The following CYP19A1 variants were observed in gnomAD, a reference collection of about 807,000 sequenced individuals.
CYP19A1 encodes the protein cytochrome P450 family 19 subfamily A member 1, also known as aromatase.
Under a neutral mutation model 44.4 loss-of-function variants are expected in CYP19A1, and 32 were observed. That is an observed-to-expected ratio of 0.72 (90% confidence interval 0.54 to 0.97). The LOEUF (loss-of-function observed/expected upper bound fraction) is 0.97. Among genes scored for constraint, CYP19A1 ranks in the 50% least tolerant of loss-of-function variants. The pLI, the probability that CYP19A1 is intolerant of heterozygous loss-of-function variation, is 0.00. For missense variants in CYP19A1, 598 were observed against 637.8 expected (o/e 0.94, Z 0.67); for synonymous variants, 212 against 215.6 (o/e 0.98, Z 0.14).
chr15:51,216,308 G>T (rs2031570915), intron 6 of CYP19A1, among the ~76,000 whole-genome samples: 1 of 152,110 alleles, frequency 6.6e-6, no homozygotes. Flanking sequence ...CTGGAGTGCA[G>T]TGGCATGATC....
chr15:51,212,188 C>T (rs183336303), intron 9 of CYP19A1, 132 bp downstream of exon 9: 10 of 779,268 alleles, frequency 1.3e-5, no homozygotes, highest in Non-Finnish European at 2.3e-5. Context: ...GACGTGTGTG[C>T]TCCTGGTGAG....
chr15:51,247,623 C>T (rs1308337678), intron 1 of CYP19A1, among the ~76,000 whole-genome samples: 1 of 152,106 alleles, frequency 6.6e-6, no homozygotes, highest in Non-Finnish European at 1.5e-5. Flanking sequence ...AGGTATGCAC[C>T]ACCATGCCCA....
chr15:51,234,426 A>T (rs984974837), intron 3 of CYP19A1, among the ~76,000 whole-genome samples: 16 of 152,164 alleles, frequency 1.1e-4, no homozygotes, highest in Non-Finnish European at 2.1e-4. Flanking sequence ...CAGTTTCCTA[A>T]TTAAGACTAG....
chr15:51,325,915 C>T (rs999232122), intron 1 of CYP19A1, among the ~76,000 whole-genome samples: 2 of 151,094 alleles, frequency 1.3e-5, no homozygotes, highest in Non-Finnish European at 2.9e-5. Context: ...GCCCAGCCTA[C>T]CTTAAATGTG....
At chr15:51,315,221 C>T (rs753163078) in intron 1 of CYP19A1, among the ~76,000 whole-genome samples, 2 of 152,192 alleles carry the variant, frequency 1.3e-5, no homozygotes, top group Non-Finnish European at 2.9e-5. Context: ...CCACCGTCAC[C>T]CAGGCCTGCT....
intron 1 of CYP19A1, among the ~76,000 whole-genome samples, chr15:51,276,779 A>G (rs1313079451): frequency 6.6e-6 from 1 of 152,368 alleles, no homozygotes; most frequent in East Asian, 1.9e-4. Flanking sequence ...GGTAGCAGTA[A>G]CAGAAATACA....
chr15:51,228,549 C>A (rs1172758827), intron 3 of CYP19A1, among the ~76,000 whole-genome samples: 1 of 152,198 alleles, frequency 6.6e-6, no homozygotes, highest in East Asian at 1.9e-4. Context: ...CAGCGCCTGG[C>A]TGGACTGGCA....
At chr15:51,253,351 G>A (rs778440178) in intron 1 of CYP19A1, among the ~76,000 whole-genome samples, 4 of 152,196 alleles carry the variant, frequency 2.6e-5, no homozygotes, top group Non-Finnish European at 4.4e-5. Flanking sequence ...CTGGAGTTGT[G>A]CCCTCAGGGG....
chr15:51,335,741 C>T (rs2036764858), intron 1 of CYP19A1, among the ~76,000 whole-genome samples: 1 of 152,148 alleles, frequency 6.6e-6, no homozygotes, highest in African/African-American at 2.4e-5. Context: ...ATCTGTCATC[C>T]ATCTACCGAC....
intron 1 of CYP19A1, among the ~76,000 whole-genome samples, chr15:51,265,089 T>C (rs990656551): frequency 2.0e-5 from 3 of 152,232 alleles, no homozygotes; most frequent in African/African-American, 7.2e-5. Context: ...CCCCTGCCAC[T>C]TGCCCTGCGC....
intron 1 of CYP19A1, among the ~76,000 whole-genome samples, chr15:51,267,442 A>G (rs2034962985): frequency 6.6e-6 from 1 of 152,168 alleles, no homozygotes; most frequent in African/African-American, 2.4e-5. Context: ...CGCTGGCTTG[A>G]GCACAGGGAC....
At position 51,228,048 on chromosome 15, in the gene CYP19A1, T is replaced by C. The variant is rs537307360; in HGVS notation, c.297-115A>G. On this transcript the variant is annotated intron_variant, in intron 3 of 9. Transcript: ENST00000396402. ...AATGCATGTTGCTCCAAATGCAATG[T>C]GCATGATTTCTAGTATTCGGGTTGA... The C allele has an allele frequency of 6.7e-5, 51 of 755,820 alleles. No individual in the cohort carries two copies. In the East Asian group the frequency reaches 1.2e-3, roughly 17 times the overall value. The allele number at this position is 755,820 out of a possible 1,614,324, so 46.8% of individuals were successfully genotyped here.
chr15:51,211,868 T>C (rs1458910347), intron 9 of CYP19A1, among the ~76,000 whole-genome samples: 2 of 152,196 alleles, frequency 1.3e-5, no homozygotes, highest in African/African-American at 4.8e-5. Context: ...ATGGGGCCAT[T>C]TGATGAGCCA....
At chr15:51,308,728 C>G (rs1045775782) in intron 1 of CYP19A1, among the ~76,000 whole-genome samples, 1 of 152,170 alleles carries the variant, frequency 6.6e-6, no homozygotes, top group Admixed American at 6.5e-5. Flanking sequence ...GACCTGGATT[C>G]TAGTCTACAA....
At chr15:51,213,409 C>T (rs28363773) in intron 8 of CYP19A1, among the ~76,000 whole-genome samples, 5,376 of 152,248 alleles carry the variant, frequency 0.035, 318 homozygotes, top group African/African-American at 0.12. Context: ...CTGAGGCAGC[C>T]CTGTCTCATA....
Position 51,215,691 on chromosome 15 carries a change from TC to T in CYP19A1, c.858+11del. 1 of 1,613,972 alleles carries T rather than the reference TC, an allele frequency of 6.2e-7. No individual in the cohort carries two copies. The highest frequency in any genetic ancestry group is 1.3e-5 in the African/African-American group (1 of 75,054). ...ATGTGGCATGGGAATTACAGTTAGT[TC>T]AGGTCAGTACCTCTGCTAAAATCAA... On this transcript the variant is annotated intron_variant, in intron 7 of 9. Coordinates refer to ENST00000396402, the MANE Select transcript of CYP19A1 (RefSeq NM_000103.4).
rs769769335 is a variant in CYP19A1 at position 51,222,484 on chromosome 15, C to T, written c.493G>A (p.Ala165Thr). The T allele has an allele frequency of 1.4e-5, 23 of 1,613,944 alleles. No individual in the cohort carries two copies. In the South Asian group the frequency reaches 2.4e-4, roughly 17 times the overall value. ...PGLVRMVTVC[A>T]ESLKTHLDRL... ...TCCAGATGTGTTTTGAGGGATTCAG[C>T]ACAGACTGTGACCATACGAACAAGG... The change falls in exon 5 of 10, where the codon GCT becomes ACT. Residue 165 changes from alanine to threonine, a missense_variant. By Grantham distance (58) the Ala-to-Thr change is moderately conservative (BLOSUM62 0). Transcript: ENST00000396402.
chr15:51,299,415 T>C (rs916316155), intron 1 of CYP19A1, among the ~76,000 whole-genome samples: 1 of 152,206 alleles, frequency 6.6e-6, no homozygotes, highest in Non-Finnish European at 1.5e-5. Flanking sequence ...GATCATCCAA[T>C]AATTTTGACA....
intron 1 of CYP19A1, among the ~76,000 whole-genome samples, chr15:51,256,951 T>C (rs2034539087): frequency 6.6e-6 from 1 of 152,230 alleles, no homozygotes; most frequent in Admixed American, 6.5e-5. Context: ...CAAGTCTGCC[T>C]AAGACTGTCC....
Sources: gnomAD v4.1 joint callset for allele counts (sites outside exome capture counted in the v4.1 genomes callset) on GRCh38, gnomAD v4.1.1 for gene constraint, MANE v1.5 for transcripts, NCBI Gene and HGNC (gene_info 2026-07-23, HGNC 2026-07-21) for gene names.